Variants in RBFOX1 observed in about 807,000 individuals in gnomAD.
RBFOX1 encodes the protein RNA binding protein fox-1 homolog 1.
RBFOX1 carries 8 observed loss-of-function variants against 57.7 expected under a neutral mutation model. The ratio of observed to expected loss-of-function variants is 0.14; its 90% CI spans 0.08 to 0.25. The LOEUF (loss-of-function observed/expected upper bound fraction) is 0.25. Among genes scored for constraint, RBFOX1 ranks in the 10% least tolerant of loss-of-function variants. RBFOX1 has a pLI of 1.00. For missense variants in RBFOX1, 611 were observed against 548.5 expected, an observed-to-expected ratio of 1.11 and a Z score of -1.14; for synonymous variants, 326 against 222.4, an observed-to-expected ratio of 1.47 and a Z score of -4.15.
intron 2 of RBFOX1, among the ~76,000 whole-genome samples, chr16:6,602,561 G>C (rs775098475): frequency 6.6e-6 from 1 of 152,132 alleles, no homozygotes; most frequent in Non-Finnish European, 1.5e-5. Context: ...CTGCAGGACA[G>C]GGTTGTGTGT....
At chr16:5,243,029 A>G (rs983967701) in intron 1 of RBFOX1, among the ~76,000 whole-genome samples, 24 of 151,106 alleles carry the variant, frequency 1.6e-4, no homozygotes, top group African/African-American at 2.4e-4. Context: ...TTTCCTGCCA[A>G]TATCAGAAGT....
Position 7,711,305 on chromosome 16 carries a change from C to T in RBFOX1, c.*560C>T, listed in dbSNP as rs1326916609. On this transcript the variant is annotated 3_prime_UTR_variant, in exon 16 of 16. Coordinates refer to ENST00000550418, the MANE Select transcript of RBFOX1 (RefSeq NM_018723.4). ...CATTTATCAATGGTTCTAAGTTACT[C>T]ATTGCCAGTTCAAGCCAAAGGTCAT... 6.6e-6 allele frequency: 1 copy of T among 152,156 alleles called. No individual in the cohort carries two copies. The highest frequency in any genetic ancestry group is 1.5e-5 in the Non-Finnish European group (1 of 68,006). 9.4% of individuals were successfully genotyped at this position (152,156 alleles called of 1,614,324 possible).
chr16:5,265,340 C>T (rs1200127929), intron 1 of RBFOX1, among the ~76,000 whole-genome samples: 1 of 132,166 alleles, frequency 7.6e-6, no homozygotes, highest in Non-Finnish European at 1.7e-5. Context: ...AGTGGTAGAA[C>T]CACCTTTTAC....
In RBFOX1 at chr16:5,470,431, T is replaced by C. The variant is rs138601440; in HGVS notation, c.258+3177T>C. Among the ~76,000 whole-genome samples the C allele has an allele frequency of 8.5e-5, 13 of 152,308 alleles. No individual in the cohort carries two copies. The East Asian group carries it at 2.5e-3, about 29-fold the overall frequency. ...GCAGTTTCTGGGTCATTTGATTGCG[T>C]TGGTTTGTTGATAGGTTGTTTAACC... On this transcript the variant is annotated intron_variant, in intron 2 of 2. Coordinates refer to the RBFOX1 transcript ENST00000585867.
chr16:6,990,531 A>T (rs1289571025), intron 3 of RBFOX1, among the ~76,000 whole-genome samples: 19 of 152,152 alleles, frequency 1.2e-4, no homozygotes, highest in Admixed American at 1.2e-3. Context: ...ATCTCAAAAA[A>T]ATAAAAATTC....
intron 1 of RBFOX1, among the ~76,000 whole-genome samples, chr16:5,353,826 TG>T (rs1476219899): frequency 6.6e-6 from 1 of 151,752 alleles, no homozygotes; most frequent in African/African-American, 2.4e-5. Flanking sequence ...CGGTCTCCTG[TG>T]GGGTCCACAA....
At chr16:5,724,929 C>G (rs935508339) in intron 3 of RBFOX1, among the ~76,000 whole-genome samples, 2 of 152,218 alleles carry the variant, frequency 1.3e-5, no homozygotes, top group African/African-American at 4.8e-5. Flanking sequence ...AAATCAGCGT[C>G]TTTAACAGTC....
chr16:5,590,140 C>G (rs918856013), intron 2 of RBFOX1, among the ~76,000 whole-genome samples: 2 of 152,072 alleles, frequency 1.3e-5, no homozygotes, highest in African/African-American at 4.8e-5. Context: ...TATTTTATGA[C>G]TTACTGAGAG....
chr16:7,372,275 G>C (rs1303742708), intron 4 of RBFOX1, among the ~76,000 whole-genome samples: 4 of 152,160 alleles, frequency 2.6e-5, no homozygotes, highest in African/African-American at 7.2e-5. Flanking sequence ...TCATACTTCA[G>C]ATCCCATGAG....
At chr16:5,251,585 A>C (rs1463309977) in intron 1 of RBFOX1, among the ~76,000 whole-genome samples, 12 of 152,206 alleles carry the variant, frequency 7.9e-5, no homozygotes, top group Non-Finnish European at 5.9e-5. Context: ...GACATAACAT[A>C]CTATCTAATT....
At chr16:5,492,217 G>A (rs2042859211) in intron 2 of RBFOX1, among the ~76,000 whole-genome samples, 1 of 152,178 alleles carries the variant, frequency 6.6e-6, no homozygotes, top group African/African-American at 2.4e-5. Context: ...CAGATACAGA[G>A]GCTGTTCAGT....
intron 3 of RBFOX1, among the ~76,000 whole-genome samples, chr16:6,800,901 G>C (rs565010471): frequency 4.6e-5 from 7 of 152,196 alleles, no homozygotes; most frequent in African/African-American, 1.4e-4. Context: ...ACTTCAAGTG[G>C]AAATCTGGAA....
chr16:7,205,466 T>A (rs1444326771), intron 4 of RBFOX1, among the ~76,000 whole-genome samples: 3 of 148,738 alleles, frequency 2.0e-5, no homozygotes, highest in Non-Finnish European at 4.4e-5. Flanking sequence ...TGAAGTGAGA[T>A]CATGCCATTG....
chr16:6,665,777 T>G (rs1430500643), intron 3 of RBFOX1, among the ~76,000 whole-genome samples: 1 of 152,200 alleles, frequency 6.6e-6, no homozygotes, highest in Non-Finnish European at 1.5e-5. Context: ...TAGTACTTTA[T>G]GCATATTCTA....
chr16:6,972,959 A>G (rs924368111), intron 3 of RBFOX1, among the ~76,000 whole-genome samples: 7 of 152,150 alleles, frequency 4.6e-5, no homozygotes, highest in African/African-American at 1.4e-4. Context: ...CCCCATCTCA[A>G]CTAAAAATAC....
At chr16:6,159,177 A>T (rs1418904865) in intron 1 of RBFOX1, among the ~76,000 whole-genome samples, 12 of 152,168 alleles carry the variant, frequency 7.9e-5, no homozygotes, top group Admixed American at 7.9e-4. Context: ...CCCAGGTTCA[A>T]GCGACTCTCC....
intron 3 of RBFOX1, among the ~76,000 whole-genome samples, chr16:5,778,385 G>A (rs375030349): frequency 6.6e-6 from 1 of 152,100 alleles, no homozygotes; most frequent in East Asian, 1.9e-4. Flanking sequence ...CACCTGGACT[G>A]GCTTCACCCC....
At chr16:6,965,467 G>A (rs149543989) in intron 3 of RBFOX1, among the ~76,000 whole-genome samples, 2 of 152,046 alleles carry the variant, frequency 1.3e-5, no homozygotes, top group African/African-American at 4.8e-5. Flanking sequence ...CTCCCCAGTA[G>A]CTGGGATTAC....
intron 4 of RBFOX1, among the ~76,000 whole-genome samples, chr16:5,996,447 G>C (rs1451819664): frequency 1.2e-5 from 1 of 83,024 alleles, no homozygotes; most frequent in Non-Finnish European, 2.4e-5. Context: ...GGAGGTGTGA[G>C]GGTGATTTTT....
Sources: allele counts gnomAD v4.1 joint callset (sites outside exome capture counted in the v4.1 genomes callset), GRCh38; gene constraint gnomAD v4.1.1; transcripts MANE v1.5; gene names NCBI Gene and HGNC (gene_info 2026-07-23, HGNC 2026-07-21).